GALNT13: variants seen among roughly 807,000 people sequenced by gnomAD.
GALNT13 encodes the protein polypeptide N-acetylgalactosaminyltransferase 13.
Under a neutral mutation model 64.2 loss-of-function variants are expected in GALNT13, and 28 were observed. The observed-to-expected ratio is 0.44, with a 90% CI of 0.32 to 0.60. The LOEUF is 0.60. GALNT13 is among the 20% of genes least tolerant of loss of function. The probability of loss-of-function intolerance (pLI) is 0.05; values close to 1 mark genes in which losing one functional copy is unlikely to be tolerated. For synonymous variants in GALNT13, 214 were observed against 224.6 expected, an observed-to-expected ratio of 0.95 and a Z score of 0.42; for missense variants, 577 against 669.8, an observed-to-expected ratio of 0.86 and a Z score of 1.53.
intron 3 of GALNT13, among the ~76,000 whole-genome samples, chr2:154,015,492 C>T (rs919769676): frequency 2.0e-5 from 3 of 152,124 alleles, no homozygotes; most frequent in South Asian, 2.1e-4. Context: ...GTCACTGATT[C>T]CTAGTTCTCT....
chr2:154,086,415 T>A (rs1458159608), intron 3 of GALNT13, among the ~76,000 whole-genome samples: 1 of 148,188 alleles, frequency 6.7e-6, no homozygotes, highest in East Asian at 2.0e-4. Flanking sequence ...TGTAAATATA[T>A]AGAGTATATT....
At chr2:154,023,630 G>A (rs561903785) in intron 3 of GALNT13, among the ~76,000 whole-genome samples, 1 of 152,136 alleles carries the variant, frequency 6.6e-6, no homozygotes, top group African/African-American at 2.4e-5. Flanking sequence ...CACACTGATG[G>A]GTCTTGACTC....
the GALNT13 span, among the ~76,000 whole-genome samples, chr2:153,724,246 A>G: frequency 2.8e-5 from 4 of 144,042 alleles, no homozygotes; most frequent in Admixed American, 1.4e-4. Flanking sequence ...AAAACTGGCT[A>G]GCCATATGTA....
At chr2:153,748,947 G>T in the GALNT13 span, among the ~76,000 whole-genome samples, 2 of 152,008 alleles carry the variant, frequency 1.3e-5, no homozygotes, top group African/African-American at 4.8e-5. Flanking sequence ...TCTTGTAGTA[G>T]TTTCATCATT....
intron 3 of GALNT13, among the ~76,000 whole-genome samples, chr2:153,972,326 G>A (rs1160703685): frequency 6.6e-6 from 1 of 151,968 alleles, no homozygotes. Context: ...GTCCCAAATC[G>A]CAAAGTGATT....
the GALNT13 span, chr2:153,762,101 G>A: frequency 3.3e-5 from 5 of 152,176 alleles, no homozygotes; most frequent in African/African-American, 1.2e-4. Context: ...CCATGACCGT[G>A]GCACTCCATG....
chr2:153,317,257 T>C, the GALNT13 span, among the ~76,000 whole-genome samples: 1 of 152,176 alleles, frequency 6.6e-6, no homozygotes, highest in Non-Finnish European at 1.5e-5. Flanking sequence ...AGTTCATGTT[T>C]CAAAAATGCA....
At chr2:153,824,726 T>A in the GALNT13 span, among the ~76,000 whole-genome samples, 1 of 152,108 alleles carries the variant, frequency 6.6e-6, no homozygotes, top group Non-Finnish European at 1.5e-5. Flanking sequence ...TGGGGCCTGG[T>A]GGGAGGTGAT....
chr2:154,272,194 G>A (rs1691391423), intron 8 of GALNT13, among the ~76,000 whole-genome samples: 1 of 151,904 alleles, frequency 6.6e-6, no homozygotes, highest in African/African-American at 2.4e-5. Flanking sequence ...CTTCTTGAAT[G>A]ATACCATTAG....
chr2:153,491,597 T>C, the GALNT13 span, among the ~76,000 whole-genome samples: 1 of 79,416 alleles, frequency 1.3e-5, no homozygotes. Flanking sequence ...CCATATTATA[T>C]TTATTTATTT....
intron 4 of GALNT13, among the ~76,000 whole-genome samples, chr2:154,148,223 A>G (rs1332249138): frequency 5.3e-5 from 8 of 151,514 alleles, no homozygotes; most frequent in Non-Finnish European, 1.2e-4. Context: ...ATGATTTCCA[A>G]TTTCATCCAT....
intron 8 of GALNT13, chr2:154,286,761 C>A: frequency 3.1e-6 from 1 of 323,222 alleles, no homozygotes; most frequent in South Asian, 2.8e-5. Flanking sequence ...CTCACTTTCT[C>A]ATGCCATGGG....
rs1285592548 is a variant in GALNT13, at chr2:154,145,062, C to A, written c.311+4557C>A. 2.6e-4 allele frequency among the ~76,000 whole-genome samples: 27 copies of A among 101,942 alleles called. No individual in the cohort carries two copies. The South Asian group carries it at 2.7e-3, about 10-fold the overall frequency. 66.9% of individuals were successfully genotyped at this position (101,942 alleles called of 152,430 possible). A position where few individuals can be genotyped will look rare whatever the true frequency, so the allele number is the denominator to read the frequency against. On this transcript the variant is annotated intron_variant, in intron 4 of 12. Coordinates refer to ENST00000392825, the MANE Select transcript of GALNT13 (RefSeq NM_052917.4). The stretch of plus-strand genomic sequence containing the variant: ...TATTTATGTAGTTCTCTCTCTCTCT[C>A]TCTCTCTCTCTATCTATCTATCTAT...
intron 3 of GALNT13, among the ~76,000 whole-genome samples, chr2:153,985,722 A>G (rs1558890244): frequency 6.6e-6 from 1 of 151,984 alleles, no homozygotes; most frequent in African/African-American, 2.4e-5. Context: ...GCTGACCCCA[A>G]CCACTGCTTG....
intron 4 of GALNT13, among the ~76,000 whole-genome samples, chr2:154,187,615 T>C (rs1223935761): frequency 6.6e-6 from 1 of 152,076 alleles, no homozygotes; most frequent in Non-Finnish European, 1.5e-5. Flanking sequence ...CTTATCCTTA[T>C]TACACTACAT....
chr2:153,532,156 G>A, the GALNT13 span, among the ~76,000 whole-genome samples: 1,633 of 152,098 alleles, frequency 0.011, 30 homozygotes, highest in African/African-American at 0.037. Context: ...CTCTGTGAGC[G>A]CTCCACTCCT....
At chr2:154,103,070 A>AT (rs906246914) in intron 3 of GALNT13, among the ~76,000 whole-genome samples, 17 of 150,226 alleles carry the variant, frequency 1.1e-4, no homozygotes, top group South Asian at 1.1e-3. Context: ...AAGATCAAGT[A>AT]TTTTTTTTTC....
At chr2:153,116,231 A>C in the GALNT13 span, among the ~76,000 whole-genome samples, 1 of 152,200 alleles carries the variant, frequency 6.6e-6, no homozygotes, top group Non-Finnish European at 1.5e-5. Context: ...AAATTTGTGT[A>C]AAATTAACTT....
At chr2:153,675,687 T>A in the GALNT13 span, among the ~76,000 whole-genome samples, 3 of 152,054 alleles carry the variant, frequency 2.0e-5, no homozygotes, top group African/African-American at 7.2e-5. Context: ...GAACTTAAAG[T>A]ATAATAATAA....
Sources: gnomAD v4.1 joint callset for allele counts (sites outside exome capture counted in the v4.1 genomes callset) on GRCh38, gnomAD v4.1.1 for gene constraint, MANE v1.5 for transcripts, NCBI Gene and HGNC (gene_info 2026-07-23, HGNC 2026-07-21) for gene names.